IKZF1: variants seen among roughly 807,000 people sequenced by gnomAD.
The protein encoded by IKZF1 is DNA-binding protein Ikaros.
A neutral mutation model predicts 51.7 loss-of-function variants in IKZF1; 10 were observed. The observed-to-expected ratio is 0.19, with a 90% CI of 0.12 to 0.33. The LOEUF (loss-of-function observed/expected upper bound fraction) is 0.33. Among genes scored for constraint, IKZF1 ranks in the 10% least tolerant of loss-of-function variants. The probability of loss-of-function intolerance (pLI) is 1.00; values close to 1 mark genes in which losing one functional copy is unlikely to be tolerated. For missense variants in IKZF1, 484 were observed against 707.5 expected (o/e 0.68, Z 3.58); for synonymous variants, 280 against 282.3 (o/e 0.99, Z 0.08).
intron 3 of IKZF1, among the ~76,000 whole-genome samples, chr7:50,337,080 G>A (rs947806750): frequency 3.9e-4 from 60 of 152,156 alleles, no homozygotes; most frequent in South Asian, 1.7e-3. Flanking sequence ...CAAGCGGCTC[G>A]GTAGGATTGG....
At chr7:50,391,619 A>G in intron 6 of IKZF1, 110 bp from the exon 7 acceptor site, 1 of 1,459,706 alleles carries the variant, frequency 6.9e-7, no homozygotes, top group South Asian at 1.4e-5. Context: ...AATCTCTAGG[A>G]AGGGCCTGGC....
intron 3 of IKZF1, chr7:50,367,917 TTAAAAAAAAG>T (rs1807437381): frequency 1.7e-5 from 10 of 605,760 alleles, no homozygotes; most frequent in Non-Finnish European, 2.9e-5. Flanking sequence ...ACGTTCTTTT[TTAAAAAAAAG>T]TAATGCTTTC....
intron 3 of IKZF1, among the ~76,000 whole-genome samples, chr7:50,339,291 T>C (rs1798523739): frequency 6.8e-6 from 1 of 148,064 alleles, no homozygotes. Context: ...GGTGAATCTA[T>C]TGGGGAGGAC....
At chr7:50,325,451 A>G (rs1794698369) in intron 2 of IKZF1, among the ~76,000 whole-genome samples, 1 of 152,108 alleles carries the variant, frequency 6.6e-6, no homozygotes, top group Admixed American at 6.5e-5. Context: ...TGAAAACGCT[A>G]AGATATTTAG....
intron 7 of IKZF1, among the ~76,000 whole-genome samples, chr7:50,395,910 T>C (rs1209180913): frequency 6.6e-6 from 1 of 152,244 alleles, no homozygotes; most frequent in African/African-American, 2.4e-5. Context: ...GCTGATGGCA[T>C]TGCTTGTTGA....
intron 7 of IKZF1, among the ~76,000 whole-genome samples, chr7:50,397,229 G>T (rs1816949462): frequency 6.6e-6 from 1 of 152,172 alleles, no homozygotes; most frequent in African/African-American, 2.4e-5. Context: ...ACGCCATAAT[G>T]AAATGCATAT....
At chr7:50,308,215 G>A (rs1472092475) in intron 1 of IKZF1, among the ~76,000 whole-genome samples, 1 of 152,186 alleles carries the variant, frequency 6.6e-6, no homozygotes, top group Non-Finnish European at 1.5e-5. Context: ...TTTTTAAGTG[G>A]CGAAGTGCGG....
intron 1 of IKZF1, among the ~76,000 whole-genome samples, chr7:50,309,106 G>A (rs186585023): frequency 6.6e-6 from 1 of 152,336 alleles, no homozygotes; most frequent in East Asian, 1.9e-4. Flanking sequence ...ATGGCCCCAT[G>A]CTCCACCTCC....
chr7:50,350,515 G>A (rs1362310493), intron 3 of IKZF1, among the ~76,000 whole-genome samples: 1 of 152,204 alleles, frequency 6.6e-6, no homozygotes, highest in African/African-American at 2.4e-5. Context: ...TGACTTTGCA[G>A]CTGGGTAGAG....
intron 3 of IKZF1, among the ~76,000 whole-genome samples, chr7:50,347,967 C>G (rs576647904): frequency 6.6e-6 from 1 of 152,278 alleles, no homozygotes; most frequent in South Asian, 2.1e-4. Flanking sequence ...CCGACTCATA[C>G]CAGGGAGGCC....
Position 50,318,986 on chromosome 7 carries a change from C to G in IKZF1, c.-14-62C>G, listed in dbSNP as rs113252707. ...TAGCATAGGGGTTCTTTATCTCTCT[C>G]TCTTTCTCATATCTTATTAGTATTT... On this transcript the variant is annotated intron_variant, in intron 1 of 7. Transcript: ENST00000331340. 689 of 1,053,306 alleles carry G rather than the reference C, an allele frequency of 6.5e-4. 4 individuals carry two copies. In the African/African-American group the frequency reaches 9.3e-3, roughly 14 times the overall value. The allele number at this position is 1,053,306 out of a possible 1,614,324, so 65.2% of individuals were successfully genotyped here.
At chr7:50,369,345 A>G in intron 3 of IKZF1, 1 of 393,754 alleles carries the variant, frequency 2.5e-6, no homozygotes, top group East Asian at 3.6e-5. Context: ...GTTGAAGCAG[A>G]CCCTTCAGTG....
At chr7:50,378,159 G>A (rs11971437) in intron 4 of IKZF1, among the ~76,000 whole-genome samples, 3,734 of 152,130 alleles carry the variant, frequency 0.025, 160 homozygotes, top group African/African-American at 0.084. Flanking sequence ...TGAATCGGGC[G>A]GTTTTCAAAA....
At chr7:50,364,161 T>A (rs1475843775) in intron 3 of IKZF1, among the ~76,000 whole-genome samples, 1 of 152,222 alleles carries the variant, frequency 6.6e-6, no homozygotes, top group African/African-American at 2.4e-5. Flanking sequence ...TCCCTCTAGT[T>A]TTGAAAATCT....
intron 1 of IKZF1, among the ~76,000 whole-genome samples, chr7:50,308,172 T>C (rs1789269105): frequency 6.6e-6 from 1 of 152,196 alleles, no homozygotes; most frequent in Non-Finnish European, 1.5e-5. Context: ...ACAAGTGAGA[T>C]AAAACAGCAA....
intron 3 of IKZF1, among the ~76,000 whole-genome samples, chr7:50,338,950 T>C (rs1798415059): frequency 6.6e-6 from 1 of 152,248 alleles, no homozygotes; most frequent in Non-Finnish European, 1.5e-5. Context: ...TCAGAAAGCA[T>C]GCTCCGGTGA....
chr7:50,375,610 AT>A (rs1007135411), intron 3 of IKZF1, among the ~76,000 whole-genome samples: 1 of 152,176 alleles, frequency 6.6e-6, no homozygotes, highest in African/African-American at 2.4e-5. Flanking sequence ...AAATATTCAA[AT>A]GACATAATTA....
intron 1 of IKZF1, among the ~76,000 whole-genome samples, chr7:50,307,921 G>A (rs761566946): frequency 6.6e-6 from 1 of 152,128 alleles, no homozygotes; most frequent in Non-Finnish European, 1.5e-5. Context: ...TTACTGTAGT[G>A]CTGACTGAAC....
At chr7:50,361,869 C>T (rs1805354178) in intron 3 of IKZF1, among the ~76,000 whole-genome samples, 2 of 151,842 alleles carry the variant, frequency 1.3e-5, no homozygotes, top group African/African-American at 4.8e-5. Flanking sequence ...AGCAAGACTC[C>T]ATCTCAAAAA....
Sources: allele counts gnomAD v4.1 joint callset (sites outside exome capture counted in the v4.1 genomes callset), GRCh38; gene constraint gnomAD v4.1.1; transcripts MANE v1.5; gene names NCBI Gene and HGNC (gene_info 2026-07-23, HGNC 2026-07-21).